HMCN2: variants seen among roughly 807,000 people sequenced by gnomAD.
HMCN2 encodes hemicentin 2, also known as hemicentin-2.
Under a neutral mutation model 377.5 loss-of-function variants are expected in HMCN2, and 325 were observed. The observed-to-expected ratio is 0.86, with a 90% CI of 0.79 to 0.94. HMCN2 has a LOEUF of 0.94. Ranked by LOEUF, HMCN2 falls within the 40% of genes least tolerant of loss-of-function variation. The pLI is 0.00. For missense variants in HMCN2, 4,543 were observed against 4,725.3 expected, an observed-to-expected ratio of 0.96 and a Z score of 1.13; for synonymous variants, 2,007 against 2,046.8, an observed-to-expected ratio of 0.98 and a Z score of 0.53.
At chr9:130,343,791 G>C (rs963453557) in intron 25 of HMCN2, among the ~76,000 whole-genome samples, 4 of 152,244 alleles carry the variant, frequency 2.6e-5, no homozygotes, top group Admixed American at 1.3e-4. Context: ...CCTCCTTCCT[G>C]GTCAGGAGGG....
chr9:130,323,877 A>G (rs922909956), intron 19 of HMCN2, among the ~76,000 whole-genome samples: 2 of 151,774 alleles, frequency 1.3e-5, no homozygotes, highest in East Asian at 1.9e-4. Context: ...TAATTTTTGT[A>G]TTTTTAGTAG....
At position 130,376,502 on chromosome 9, in the gene HMCN2, C is replaced by T. The variant is rs1057079314; in HGVS notation, c.7919-14C>T. The T allele has an allele frequency of 5.1e-6, 5 of 985,622 alleles. No homozygotes were observed. Among genetic ancestry groups the T allele is most frequent in the Non-Finnish European group, 4.8e-6 (4 of 829,746 alleles). The allele number at this position is 985,622 out of a possible 1,614,324, so 61.1% of individuals were successfully genotyped here. On this transcript the variant is annotated splice_polypyrimidine_tract_variant and intron_variant, in intron 51 of 97. Coordinates refer to ENST00000683500, the MANE Select transcript of HMCN2 (RefSeq NM_001291815.2). ...ATCCCCCAGCTCTGCTCTCAGACCC[C>T]TCGTGCTTTTCAGTCCCCCCTTCCA...
chr9:130,337,448 G>A (rs1366404014), intron 22 of HMCN2, among the ~76,000 whole-genome samples: 1 of 152,122 alleles, frequency 6.6e-6, no homozygotes, highest in Non-Finnish European at 1.5e-5. Flanking sequence ...GCAGAGGAGG[G>A]GGAGTTGCCA....
In HMCN2 at chr9:130,383,445, G is replaced by T. The variant is rs570718827; in HGVS notation, c.8734-59G>T. On this transcript the variant is annotated intron_variant, in intron 56 of 97. Coordinates refer to ENST00000683500, the MANE Select transcript of HMCN2 (RefSeq NM_001291815.2). ...AGGGATTCCTCGCAGTCATTCCTGG[G>T]GGTGGTGGTGTCCAAGGGGTCTCAG... The T allele has an allele frequency of 1.0e-5, 8 of 771,932 alleles. No homozygotes were observed. In the South Asian group the frequency reaches 1.8e-4, roughly 17 times the overall value. 47.8% of individuals were successfully genotyped at this position (771,932 alleles called of 1,614,324 possible).
At position 130,414,583 on chromosome 9, in the gene HMCN2, T is replaced by C. The variant is rs1458277503; in HGVS notation, c.12961+3931T>C. 3.5e-4 allele frequency among the ~76,000 whole-genome samples: 53 copies of C among 150,754 alleles called. 1 individual carries two copies. Among genetic ancestry groups the C allele is most frequent in the Non-Finnish European group, 1.5e-5 (1 of 67,834 alleles). On this transcript the variant is annotated intron_variant, in intron 85 of 97. Transcript: ENST00000683500. The surrounding 1 kb of genome is among the most constrained non-coding windows in gnomAD (Gnocchi z 4.4). ...AGCAGACAACAGATGCCTACTGAGATAGTACAGATATCAGGTAATCTGATA... is the reference window on the plus strand; with the variant it reads ...AGCAGACAACAGATGCCTACTGAGACAGTACAGATATCAGGTAATCTGATA...
At chr9:130,353,821 G>A (rs1839865520) in intron 31 of HMCN2, among the ~76,000 whole-genome samples, 1 of 152,208 alleles carries the variant, frequency 6.6e-6, no homozygotes, top group Non-Finnish European at 1.5e-5. Context: ...AGAGGAAAGG[G>A]TGTCGGTGGC....
In HMCN2 at chr9:130,272,113, G is replaced by A. The variant is rs542139494; in HGVS notation, c.259+5976G>A. Among the ~76,000 whole-genome samples the A allele has an allele frequency of 8.0e-5, 12 of 149,128 alleles. 1 individual carries two copies. Among genetic ancestry groups the A allele is most frequent in the East Asian group, 5.8e-4 (3 of 5,180 alleles). On this transcript the variant is annotated intron_variant, in intron 1 of 97. Coordinates refer to ENST00000683500, the MANE Select transcript of HMCN2 (RefSeq NM_001291815.2). ...CAGAATTGTTGAGTGGGACCCCCACGGGAAACAGCTTTATTAACTAGAATA... is the reference window on the plus strand; with the variant it reads ...CAGAATTGTTGAGTGGGACCCCCACAGGAAACAGCTTTATTAACTAGAATA...
chr9:130,278,402 G>T (rs1396504098), intron 1 of HMCN2, among the ~76,000 whole-genome samples: 2 of 152,086 alleles, frequency 1.3e-5, no homozygotes, highest in African/African-American at 4.8e-5. Flanking sequence ...GGGATTACAG[G>T]CGTGAGCCAC....
chr9:130,432,115 C>T (rs1309790738), intron 96 of HMCN2, among the ~76,000 whole-genome samples: 1 of 152,236 alleles, frequency 6.6e-6, no homozygotes, highest in Non-Finnish European at 1.5e-5. Context: ...GGGCAGTGGG[C>T]ACTCTGGGTC....
In HMCN2 at chr9:130,404,912, C is replaced by T. The variant is rs547854435; in HGVS notation, c.12192C>T (p.Thr4064=). 207 of 1,286,560 alleles carry T rather than the reference C, an allele frequency of 1.6e-4. No individual in the cohort carries two copies. Among genetic ancestry groups the T allele is most frequent in the East Asian group, 3.4e-4 (6 of 17,878 alleles). The allele number at this position is 1,286,560 out of a possible 1,614,324, so 79.7% of individuals were successfully genotyped here. A position where few individuals can be genotyped will look rare whatever the true frequency, so the allele number is the denominator to read the frequency against. Reference sequence around the variant, plus strand: ...ATGGCCTCCCAGACCTGTCCACCACCGAAGGCTCCCACGCCTTCTTGCCTT... The same window carrying T: ...ATGGCCTCCCAGACCTGTCCACCACTGAAGGCTCCCACGCCTTCTTGCCTT... ...IENGLPDLST[T]EGSHAFLPCK... The change falls in exon 81 of 98, where the codon ACC becomes ACT. Residue 4064 remains threonine (T), a synonymous_variant. Transcript: ENST00000683500.
At position 130,399,570 on chromosome 9, in the gene HMCN2, T is replaced by C; in HGVS notation, c.11543T>C (p.Phe3848Ser). ...CCCGGCCCCCAGGACTCAGCCCAGT[T>C]TGAATGCGTGGTGAGCAATGAGGTG... Reference protein sequence around the residue: ...TAPGPQDSAQFECVVSNEVGE... With the variant: ...TAPGPQDSAQSECVVSNEVGE... The change falls in exon 76 of 98, where the codon TTT becomes TCT. Residue 3848 changes from phenylalanine to serine, a missense_variant. Phe to Ser is a radical substitution (Grantham distance 155). Around this residue, in one of 5 missense-constraint regions of HMCN2, gnomAD observed 1,073 missense variants for 1,319.5 expected, o/e 0.81. Transcript: ENST00000683500. The C allele has an allele frequency of 7.8e-7, 1 of 1,289,422 alleles. No homozygotes were observed. The highest frequency in any genetic ancestry group is 1.0e-6 in the Non-Finnish European group (1 of 988,680). 79.9% of individuals were successfully genotyped at this position (1,289,422 alleles called of 1,614,324 possible).
At chr9:130,359,462 G>A (rs1247459707) in intron 37 of HMCN2, 48 bp downstream of exon 37, 1 of 1,044,408 alleles carries the variant, frequency 9.6e-7, no homozygotes, top group Non-Finnish European at 1.3e-6. Context: ...CCAATTTACT[G>A]TCTAATGAGG....
chr9:130,424,796 G>A lies in HMCN2; in HGVS notation c.13402G>A (p.Val4468Met), dbSNP rs549173050. Residue 4468 changes from valine to methionine, a missense_variant, in exon 88 of 98, where the codon GTG becomes ATG. Around this residue, in one of 5 missense-constraint regions of HMCN2, gnomAD observed 1,155 missense variants for 1,157.7 expected, o/e 1.00. Coordinates refer to ENST00000683500, the MANE Select transcript of HMCN2 (RefSeq NM_001291815.2). ...ANVGPLMRVL[V>M]VTIAPIYWAL... is the part of the protein sequence containing the mutation. ...CCCAGGGCCTCTGATGCGGGTGCTC[G>A]TGGTCACCATCGCCCCCATCTACTG... 428 of 1,540,478 alleles carry A rather than the reference G, an allele frequency of 2.8e-4. No individual in the cohort carries two copies. The highest frequency in any genetic ancestry group is 3.5e-4 in the Non-Finnish European group (403 of 1,141,246).
chr9:130,282,576 C>A (rs1554926108), intron 1 of HMCN2, among the ~76,000 whole-genome samples: 1 of 152,102 alleles, frequency 6.6e-6, no homozygotes, highest in African/African-American at 2.4e-5. Flanking sequence ...TGGGACGAGA[C>A]GGATAAACAC....
In HMCN2 at chr9:130,394,446, C is replaced by T; in HGVS notation, c.10563C>T (p.Pro3521=). ...AGCTGTCGCTGACCCCCGGCGCCCC[C>T]ATGGAGCTCCTCTGTGATGCCCAGG... The part of the protein sequence containing the change: ...PTELSLTPGA[P]MELLCDAQGT... Residue 3521 remains proline, a synonymous_variant, in exon 69 of 98, where the codon CCC becomes CCT. Transcript: ENST00000683500. The surrounding 1 kb of genome is among the most constrained non-coding windows in gnomAD (Gnocchi z 5.1). The T allele has an allele frequency of 7.8e-7, 1 of 1,289,798 alleles. No homozygotes were observed. 79.9% of individuals were successfully genotyped at this position (1,289,798 alleles called of 1,614,324 possible).
At chr9:130,326,341 T>C (rs1372969117) in intron 21 of HMCN2, among the ~76,000 whole-genome samples, 1 of 151,976 alleles carries the variant, frequency 6.6e-6, no homozygotes, top group Non-Finnish European at 1.5e-5. Context: ...CTGTGGAATA[T>C]CCCCTTCCTG....
At position 130,369,449 on chromosome 9, in the gene HMCN2, G is replaced by A. The variant is rs560153827; in HGVS notation, c.6788-121G>A. ...GGAAGGAAAATGGAGGTGAGGTCAC[G>A]AGGTCACACAGCCAGCGATGGCAAG... On this transcript the variant is annotated intron_variant, in intron 44 of 97. Transcript: ENST00000683500. This position sits in a 1 kb window ranked among gnomAD's most constrained non-coding sequence, Gnocchi z 4.5. The A allele has an allele frequency of 1.2e-4, 48 of 413,428 alleles. No homozygotes were observed. The South Asian group carries it at 1.4e-3, about 12-fold the overall frequency. The allele number at this position is 413,428 out of a possible 1,614,324, so 25.6% of individuals were successfully genotyped here. A position where few individuals can be genotyped will look rare whatever the true frequency, so the allele number is the denominator to read the frequency against.
chr9:130,325,096 C>CTTTTTTTTT (rs878863979), intron 19 of HMCN2, among the ~76,000 whole-genome samples: 16 of 128,064 alleles, frequency 1.2e-4, no homozygotes, highest in South Asian at 2.4e-4. Flanking sequence ...TCTTCTTCTT[C>CTTTTTTTTT]TTTTTTTTTT....
intron 37 of HMCN2, among the ~76,000 whole-genome samples, 171 bp downstream of exon 37, chr9:130,359,585 C>A (rs899913696): frequency 6.6e-6 from 1 of 152,194 alleles, no homozygotes; most frequent in Non-Finnish European, 1.5e-5. Context: ...GTCCTTCGGG[C>A]CAAGGCCATG....
Sources: allele counts gnomAD v4.1 joint callset (sites outside exome capture counted in the v4.1 genomes callset), GRCh38; gene constraint gnomAD v4.1.1; regional missense constraint gnomAD v4.1.1; non-coding constraint Gnocchi (gnomAD v3.1); transcripts MANE v1.5; gene names NCBI Gene and HGNC (gene_info 2026-07-23, HGNC 2026-07-21).